TTC28: variants seen among roughly 807,000 people sequenced by gnomAD.
The protein encoded by TTC28 is tetratricopeptide repeat protein 28.
In TTC28, 61 loss-of-function variants were observed where a neutral mutation model predicts 198.0. That is an observed-to-expected ratio of 0.31 (90% CI 0.25 to 0.38). The LOEUF (loss-of-function observed/expected upper bound fraction) is 0.38, where lower values mean the gene tolerates loss of function less well. Ranked by LOEUF, TTC28 falls within the 10% of genes least tolerant of loss-of-function variation. The pLI is 1.00. For synonymous variants in TTC28, 1,171 were observed against 1,297.8 expected (o/e 0.90, Z 2.10); for missense variants, 2,678 against 3,164.0 (o/e 0.85, Z 3.69).
At chr22:27,993,064 G>A in intron 18 of TTC28, 1 of 586,826 alleles carries the variant, frequency 1.7e-6, no homozygotes, top group Non-Finnish European at 3.0e-6. Context: ...GCGCCAGTGG[G>A]GCGCAGATGC....
At chr22:28,450,515 T>C (rs1183680845) in intron 2 of TTC28, among the ~76,000 whole-genome samples, 4 of 152,210 alleles carry the variant, frequency 2.6e-5, no homozygotes, top group East Asian at 3.8e-4. Flanking sequence ...AAATTATATA[T>C]GTAATTATCC....
chr22:28,035,964 T>C (rs1939325279), intron 12 of TTC28, among the ~76,000 whole-genome samples: 2 of 152,128 alleles, frequency 1.3e-5, no homozygotes, highest in Non-Finnish European at 1.5e-5. Flanking sequence ...ATGCACCCAA[T>C]ACAGGAGCAT....
At position 27,983,722 on chromosome 22, in the gene TTC28, G is replaced by A. The variant is rs1393143526; in HGVS notation, c.5945C>T (p.Ala1982Val). 1.6e-5 allele frequency: 25 copies of A among 1,551,368 alleles called. No homozygotes were observed. The highest frequency in any genetic ancestry group is 7.9e-5 in the Admixed American group (4 of 50,946). Residue 1982 changes from alanine to valine, a missense_variant, in exon 23 of 23, where the codon GCG becomes GTG. This residue lies in a region of TTC28 where 622 missense variants were observed against 656.0 expected (regional missense o/e 0.95). Coordinates refer to ENST00000397906, the MANE Select transcript of TTC28 (RefSeq NM_001145418.2). ...YQQPPFSPTG[A>V]DSIASDAISV... is the part of the protein sequence containing the mutation. The stretch of plus-strand genomic sequence containing the variant: ...GATGGCATCTGAGGCGATGCTGTCC[G>A]CACCGGTGGGAGAGAAGGGGGGTTG...
Position 27,982,778 on chromosome 22 carries a change from C to T in TTC28, c.6889G>A (p.Ala2297Thr), listed in dbSNP as rs769207304. The change falls in exon 23 of 23, where the codon GCT (alanine) becomes ACT (threonine). Residue 2297 changes from alanine to threonine, a missense_variant. Ala to Thr is a moderately conservative substitution (Grantham distance 58). Around this residue, in one of 8 missense-constraint regions of TTC28, gnomAD observed 622 missense variants for 656.0 expected, o/e 0.95. Coordinates refer to ENST00000397906, the MANE Select transcript of TTC28 (RefSeq NM_001145418.2). This position sits in a 1 kb window ranked among gnomAD's most constrained non-coding sequence, Gnocchi z 5.2. ...KLKYPSSPYS[A>T]HISKSPRNMS... ...TTCCTTGGTGATTTGGAAATGTGAG[C>T]GCTGTAAGGAGAGCTGGGGTACTTC... 6 of 1,547,894 alleles carry T rather than the reference C, an allele frequency of 3.9e-6. No individual in the cohort carries two copies. Among genetic ancestry groups the T allele is most frequent in the Non-Finnish European group, 5.2e-6 (6 of 1,144,604 alleles).
At chr22:28,353,381 A>G (rs1366288328) in intron 2 of TTC28, among the ~76,000 whole-genome samples, 1 of 152,238 alleles carries the variant, frequency 6.6e-6, no homozygotes, top group East Asian at 1.9e-4. Flanking sequence ...GACCCTGAAT[A>G]GCCAAAACAA....
intron 2 of TTC28, among the ~76,000 whole-genome samples, chr22:28,518,039 G>A (rs906247336): frequency 3.9e-5 from 6 of 151,974 alleles, no homozygotes; most frequent in African/African-American, 1.4e-4. Flanking sequence ...GATTACAGGT[G>A]TGCATCTTTT....
chr22:28,368,865 TA>T (rs955905062), intron 2 of TTC28, among the ~76,000 whole-genome samples: 3 of 151,946 alleles, frequency 2.0e-5, no homozygotes, highest in Admixed American at 1.3e-4. Context: ...ATGGAAACTA[TA>T]AAACACTGAT....
intron 2 of TTC28, among the ~76,000 whole-genome samples, chr22:28,491,813 A>G (rs1021764071): frequency 2.6e-5 from 4 of 152,182 alleles, no homozygotes; most frequent in African/African-American, 7.2e-5. Flanking sequence ...ATGCACACAT[A>G]TGTTTATTGT....
intron 12 of TTC28, among the ~76,000 whole-genome samples, chr22:28,074,241 G>C (rs1431429172): frequency 6.6e-6 from 1 of 152,100 alleles, no homozygotes; most frequent in Non-Finnish European, 1.5e-5. Context: ...AAAAGACTGG[G>C]GAATTTTTTT....
At chr22:28,677,099 G>A (rs2145721042) in intron 1 of TTC28, among the ~76,000 whole-genome samples, 1 of 144,364 alleles carries the variant, frequency 6.9e-6, no homozygotes, top group South Asian at 2.2e-4. Context: ...AGGCTGCAGT[G>A]AGGCCAAGAT....
intron 2 of TTC28, among the ~76,000 whole-genome samples, chr22:28,476,361 C>G (rs1402078856): frequency 6.6e-6 from 1 of 152,008 alleles, no homozygotes; most frequent in East Asian, 1.9e-4. Context: ...TATTCTTTAT[C>G]TTGTCAATGG....
intron 2 of TTC28, among the ~76,000 whole-genome samples, chr22:28,527,359 G>C (rs960140017): frequency 6.6e-6 from 1 of 152,126 alleles, no homozygotes; most frequent in South Asian, 2.1e-4. Flanking sequence ...CAGGCTTCCT[G>C]CATGCATTAA....
At chr22:28,598,342 C>G (rs2050575899) in intron 2 of TTC28, among the ~76,000 whole-genome samples, 1 of 151,596 alleles carries the variant, frequency 6.6e-6, no homozygotes. Context: ...AACCCCATCT[C>G]TACTAAAAAT....
chr22:28,197,292 G>T (rs1413355621), intron 5 of TTC28, among the ~76,000 whole-genome samples: 3 of 150,312 alleles, frequency 2.0e-5, no homozygotes, highest in Non-Finnish European at 3.0e-5. Flanking sequence ...GAGGGGAGAG[G>T]AGAGGGATAG....
chr22:28,161,751 G>T (rs1921219371), intron 6 of TTC28, among the ~76,000 whole-genome samples: 1 of 143,898 alleles, frequency 6.9e-6, no homozygotes, highest in Admixed American at 7.0e-5. Flanking sequence ...GACAGGACAG[G>T]ACAGGAAAGG....
At chr22:28,321,951 C>A (rs1352573227) in intron 2 of TTC28, among the ~76,000 whole-genome samples, 1 of 152,140 alleles carries the variant, frequency 6.6e-6, no homozygotes, top group Non-Finnish European at 1.5e-5. Context: ...CCTGCCTCAG[C>A]TTCCTGAGTA....
At chr22:28,361,460 G>C (rs1358063481) in intron 2 of TTC28, among the ~76,000 whole-genome samples, 1 of 152,044 alleles carries the variant, frequency 6.6e-6, no homozygotes, top group Non-Finnish European at 1.5e-5. Flanking sequence ...TAACTATTCA[G>C]TTCTATGAAG....
chr22:28,651,884 G>T (rs2051569725), intron 1 of TTC28, among the ~76,000 whole-genome samples: 1 of 152,002 alleles, frequency 6.6e-6, no homozygotes, highest in Non-Finnish European at 1.5e-5. Context: ...TTGTTGCCCA[G>T]ACTGGAGTGC....
chr22:28,627,253 T>A (rs1349635055), intron 2 of TTC28, among the ~76,000 whole-genome samples: 1 of 152,124 alleles, frequency 6.6e-6, no homozygotes, highest in Non-Finnish European at 1.5e-5. Flanking sequence ...TCTCCAATCC[T>A]TAAGCAACAA....
Sources: allele counts gnomAD v4.1 joint callset (sites outside exome capture counted in the v4.1 genomes callset), GRCh38; gene constraint gnomAD v4.1.1; regional missense constraint gnomAD v4.1.1; non-coding constraint Gnocchi (gnomAD v3.1); transcripts MANE v1.5; gene names NCBI Gene and HGNC (gene_info 2026-07-23, HGNC 2026-07-21).